The following KIF1B variants were observed in gnomAD, a reference collection of about 807,000 sequenced individuals.
The protein encoded by KIF1B is kinesin family member 1B.
KIF1B carries 76 observed loss-of-function variants against 241.9 expected under a neutral mutation model. That is an observed-to-expected ratio of 0.31 (90% CI 0.26 to 0.38). The LOEUF is 0.38. KIF1B is among the 10% of genes least tolerant of loss of function. KIF1B has a pLI of 1.00. For missense variants in KIF1B, 1,622 were observed against 2,271.4 expected (o/e 0.71, Z 5.81); for synonymous variants, 750 against 796.7 (o/e 0.94, Z 0.99).
Position 10,326,509 on chromosome 1 carries a change from A to G in KIF1B, c.2924+150A>G, listed in dbSNP as rs920043561. ...TCTCCAATACTTCAAGCTCTTAGTC[A>G]GTGCTGGTCTGGCTGAGATGGTTCT... On this transcript the variant is annotated intron_variant, in intron 27 of 48. Transcript: ENST00000676179. This position sits in a 1 kb window ranked among gnomAD's most constrained non-coding sequence, Gnocchi z 5.2. 2.8e-6 allele frequency: 3 copies of G among 1,070,210 alleles called. No homozygotes were observed. The highest frequency in any genetic ancestry group is 1.5e-5 in the African/African-American group (1 of 64,684). 66.3% of individuals were successfully genotyped at this position (1,070,210 alleles called of 1,614,324 possible).
intron 27 of KIF1B, among the ~76,000 whole-genome samples, chr1:10,333,846 T>C (rs1046497252): frequency 1.3e-5 from 2 of 151,402 alleles, no homozygotes; most frequent in African/African-American, 4.8e-5. Flanking sequence ...CTCTTTATAA[T>C]TTCTTAAATT....
In KIF1B at chr1:10,303,042, T is replaced by C; in HGVS notation, c.2115+5796T>C. The stretch of plus-strand genomic sequence containing the variant: ...GTTTTGTTTTGTTTTTTAGTTTTTT[T>C]GGTCTTATTTTTAAATTTGGTTAAG... On this transcript the variant is annotated intron_variant, in intron 22 of 48. Transcript: ENST00000676179. The surrounding 1 kb of genome is among the most constrained non-coding windows in gnomAD (Gnocchi z 5.2). The C allele has an allele frequency of 1.6e-6, 2 of 1,213,258 alleles. No homozygotes were observed. Among genetic ancestry groups the C allele is most frequent in the Non-Finnish European group, 2.3e-6 (2 of 878,740 alleles). 75.2% of individuals were successfully genotyped at this position (1,213,258 alleles called of 1,614,324 possible). A position where few individuals can be genotyped will look rare whatever the true frequency, so the allele number is the denominator to read the frequency against.
chr1:10,325,727 G>A (rs138795674), intron 26 of KIF1B, among the ~76,000 whole-genome samples: 10 of 152,286 alleles, frequency 6.6e-5, no homozygotes, highest in East Asian at 1.9e-4. Flanking sequence ...CCAAAATGAC[G>A]TGAGAATTTC....
At chr1:10,304,291 C>T in intron 22 of KIF1B, 1 of 1,614,174 alleles carries the variant, frequency 6.2e-7, no homozygotes, top group Non-Finnish European at 8.5e-7. Context: ...AGTTAGCAAG[C>T]AGCACATTAA....
At chr1:10,225,581 A>T (rs1557647940) in intron 1 of KIF1B, among the ~76,000 whole-genome samples, 1 of 152,254 alleles carries the variant, frequency 6.6e-6, no homozygotes, top group East Asian at 1.9e-4. Flanking sequence ...GAGAGAATCC[A>T]TCAAGACTTT....
At chr1:10,267,945 G>A (rs1648561289) in intron 6 of KIF1B, among the ~76,000 whole-genome samples, 1 of 152,168 alleles carries the variant, frequency 6.6e-6, no homozygotes, top group African/African-American at 2.4e-5. Flanking sequence ...TGATTCTGAT[G>A]GGGTGCCTTT....
chr1:10,224,220 G>A (rs1400817243), intron 1 of KIF1B, among the ~76,000 whole-genome samples: 4 of 152,030 alleles, frequency 2.6e-5, no homozygotes, highest in African/African-American at 7.2e-5. Context: ...GGGTTTAAGC[G>A]GTTCTCCTGC....
Position 10,282,286 on chromosome 1 carries a change from C to T in KIF1B, c.1223-36C>T. ...CTTCCTCTGCTTCTTTCCCTTTTCC[C>T]TACTTTTCCTGCCTTCTCTTCTTTC... On this transcript the variant is annotated intron_variant, in intron 14 of 48. Transcript: ENST00000676179. 3.3e-6 allele frequency: 5 copies of T among 1,535,424 alleles called. No individual in the cohort carries two copies. In the African/African-American group the frequency reaches 4.1e-5, roughly 13 times the overall value.
intron 28 of KIF1B, 105 bp downstream of exon 28, chr1:10,334,743 G>T (rs1358404285): frequency 2.4e-6 from 2 of 845,974 alleles, no homozygotes; most frequent in Admixed American, 1.8e-5. Flanking sequence ...AAACTGTGGG[G>T]AGTTTGTATG....
intron 17 of KIF1B, among the ~76,000 whole-genome samples, chr1:10,293,164 TA>T (rs1170731006): frequency 2.6e-5 from 4 of 151,892 alleles, no homozygotes; most frequent in Non-Finnish European, 5.9e-5. Flanking sequence ...TTTAGATGCA[TA>T]TTGTAGAATA....
intron 19 of KIF1B, among the ~76,000 whole-genome samples, chr1:10,296,213 C>G (rs991477363): frequency 2.6e-5 from 4 of 152,084 alleles, no homozygotes; most frequent in African/African-American, 9.7e-5. Context: ...CACTCATTCC[C>G]TTATCAAAAT....
At position 10,379,660 on chromosome 1, in the gene KIF1B, G is replaced by C. The variant is rs866510861; in HGVS notation, c.*3073G>C. On this transcript the variant is annotated 3_prime_UTR_variant, in exon 49 of 49. Transcript: ENST00000676179. ...CAAAAACTTTAAAAGGCAGGAAAGA[G>C]AATTCTTAGGCAAATTCAGAGAAAT... 1.3e-5 allele frequency: 3 copies of C among 231,348 alleles called. No individual in the cohort carries two copies. The highest frequency in any genetic ancestry group is 2.6e-5 in the Non-Finnish European group (3 of 116,954). 14.3% of individuals were successfully genotyped at this position (231,348 alleles called of 1,614,324 possible). A position where few individuals can be genotyped will look rare whatever the true frequency, so the allele number is the denominator to read the frequency against.
At chr1:10,370,572 A>AAATAAT (rs34836490) in intron 44 of KIF1B, among the ~76,000 whole-genome samples, 155 of 144,978 alleles carry the variant, frequency 1.1e-3, no homozygotes, top group African/African-American at 3.6e-3. Flanking sequence ...TCGAAAAAGA[A>AAATAAT]AATAATAATA....
At chr1:10,229,998 A>C (rs1646960114) in intron 1 of KIF1B, among the ~76,000 whole-genome samples, 1 of 151,990 alleles carries the variant, frequency 6.6e-6, no homozygotes, top group African/African-American at 2.4e-5. Context: ...ACATAACAAG[A>C]CTTTGTCTCT....
rs1162993365 is a variant in KIF1B, at chr1:10,326,298, C to G, written c.2863C>G (p.Leu955Val). The stretch of plus-strand genomic sequence containing the variant: ...CGCAGGGACGGAGGAGGGATCAGAT[C>G]TCTTCAGTGACGGGCATGACCCGTT... ...SDAGTEEGSD[L>V]FSDGHDPFYD... The change falls in exon 27 of 49, where the codon CTC becomes GTC. Residue 955 changes from leucine (L) to valine (V), a missense_variant. Physicochemically the swap from Leu to Val is conservative, Grantham distance 32. This residue lies in a region of KIF1B where 803 missense variants were observed against 1,112.0 expected (regional missense o/e 0.72). Coordinates refer to ENST00000676179, the MANE Select transcript of KIF1B (RefSeq NM_001365951.3). This position sits in a 1 kb window ranked among gnomAD's most constrained non-coding sequence, Gnocchi z 5.2. 1 of 1,614,202 alleles carries G rather than the reference C, an allele frequency of 6.2e-7. No individual in the cohort carries two copies. The highest frequency in any genetic ancestry group is 8.5e-7 in the Non-Finnish European group (1 of 1,180,044).
intron 2 of KIF1B, among the ~76,000 whole-genome samples, chr1:10,236,448 G>T (rs1262502826): frequency 1.3e-5 from 2 of 152,188 alleles, no homozygotes; most frequent in Non-Finnish European, 2.9e-5. Context: ...ATTTCGGCAG[G>T]AGTAATTTGT....
At chr1:10,212,856 G>A (rs1297684899) in intron 1 of KIF1B, among the ~76,000 whole-genome samples, 1 of 139,392 alleles carries the variant, frequency 7.2e-6, no homozygotes, top group African/African-American at 2.6e-5. Flanking sequence ...AAAAAAATGT[G>A]TATATATATA....
intron 40 of KIF1B, 72 bp from the exon 41 acceptor site, chr1:10,363,205 TTTTAAG>T: frequency 9.2e-7 from 1 of 1,085,088 alleles, no homozygotes; most frequent in Non-Finnish European, 1.4e-6. Flanking sequence ...GAAGACACTA[TTTTAAG>T]TAGCAGAAAT....
intron 35 of KIF1B, 119 bp downstream of exon 35, chr1:10,346,072 G>GTTTTGT (rs1287833150): frequency 8.9e-6 from 7 of 785,700 alleles, no homozygotes; most frequent in African/African-American, 3.5e-5. Flanking sequence ...TCCAGGGATG[G>GTTTTGT]TTTTGTTTTT....
Sources: allele counts gnomAD v4.1 joint callset (sites outside exome capture counted in the v4.1 genomes callset), GRCh38; gene constraint gnomAD v4.1.1; regional missense constraint gnomAD v4.1.1; non-coding constraint Gnocchi (gnomAD v3.1); transcripts MANE v1.5; gene names NCBI Gene and HGNC (gene_info 2026-07-23, HGNC 2026-07-21).